The following CDH12 variants were observed in gnomAD, a reference collection of about 807,000 sequenced individuals.
The protein encoded by CDH12 is cadherin-12.
CDH12 carries 41 observed loss-of-function variants against 74.1 expected under a neutral mutation model. The ratio of observed to expected loss-of-function variants is 0.55; its 90% CI spans 0.43 to 0.72. The LOEUF (loss-of-function observed/expected upper bound fraction) is 0.72, where lower values mean the gene tolerates loss of function less well. Among genes scored for constraint, CDH12 ranks in the 30% least tolerant of loss-of-function variants. The pLI is 0.00. For missense variants in CDH12, 945 were observed against 977.2 expected, an observed-to-expected ratio of 0.97 and a Z score of 0.44; for synonymous variants, 399 against 355.0, an observed-to-expected ratio of 1.12 and a Z score of -1.39.
chr5:22,399,792 A>T (rs141683409), intron 3 of CDH12, among the ~76,000 whole-genome samples: 1,837 of 152,304 alleles, frequency 0.012, 37 homozygotes, highest in African/African-American at 0.041. Flanking sequence ...ATTGTATGGT[A>T]AATGTGTTAG....
rs1014190183 is a variant in CDH12 at position 22,543,634 on chromosome 5, T to TA, written c.-522-38271dup. ...ACCTACAGTCTAGAAAGAAAATTAG[T>TA]AAAAAAAAGGCACAGGCAATCTGGG... On this transcript the variant is annotated intron_variant, in intron 1 of 14. Coordinates refer to ENST00000382254, the MANE Select transcript of CDH12 (RefSeq NM_004061.5). Among the ~76,000 whole-genome samples, 96 of 151,954 alleles carry TA rather than the reference T, an allele frequency of 6.3e-4. 2 individuals are homozygous for TA. In the Middle Eastern group the frequency reaches 0.014, roughly 22 times the overall value.
At chr5:22,433,579 C>T (rs940513212) in intron 2 of CDH12, among the ~76,000 whole-genome samples, 3 of 151,990 alleles carry the variant, frequency 2.0e-5, no homozygotes, top group African/African-American at 7.2e-5. Context: ...TAATAGCTAA[C>T]ATTTATTCAT....
At chr5:21,764,298 C>T (rs898786652) in intron 12 of CDH12, among the ~76,000 whole-genome samples, 38 of 151,786 alleles carry the variant, frequency 2.5e-4, no homozygotes, top group Non-Finnish European at 4.9e-4. Context: ...CGCTTGAATC[C>T]GGGAAGCGGA....
At chr5:22,286,505 T>C (rs2150410438) in intron 3 of CDH12, among the ~76,000 whole-genome samples, 1 of 152,292 alleles carries the variant, frequency 6.6e-6, no homozygotes, top group South Asian at 2.1e-4. Context: ...GCAATATTGT[T>C]AAATGGTCAA....
intron 6 of CDH12, among the ~76,000 whole-genome samples, chr5:21,893,935 G>C (rs1753005026): frequency 6.6e-6 from 1 of 152,114 alleles, no homozygotes; most frequent in Non-Finnish European, 1.5e-5. Context: ...AGGTATTTGA[G>C]TTTTTTATTT....
At chr5:22,683,929 A>G (rs997050086) in intron 1 of CDH12, among the ~76,000 whole-genome samples, 1 of 152,234 alleles carries the variant, frequency 6.6e-6, no homozygotes, top group Non-Finnish European at 1.5e-5. Context: ...TATAGAATCA[A>G]GACTCTCTAG....
chr5:22,839,325 T>A (rs1239587002), intron 1 of CDH12, among the ~76,000 whole-genome samples: 1 of 151,802 alleles, frequency 6.6e-6, no homozygotes, highest in Non-Finnish European at 1.5e-5. Context: ...TGTGTCCCTA[T>A]GCTAGTTTAC....
intron 4 of CDH12, among the ~76,000 whole-genome samples, chr5:22,207,861 A>C (rs1161908469): frequency 1.3e-5 from 2 of 152,110 alleles, no homozygotes; most frequent in African/African-American, 2.4e-5. Flanking sequence ...AAAGATCTCT[A>C]ATTTTTGCTA....
chr5:22,336,019 C>G (rs919550392), intron 3 of CDH12, among the ~76,000 whole-genome samples: 24 of 152,042 alleles, frequency 1.6e-4, no homozygotes, highest in African/African-American at 5.8e-4. Context: ...CAATAAGGTC[C>G]AAGCTGAGGT....
chr5:22,341,642 G>A (rs1739854843), intron 3 of CDH12, among the ~76,000 whole-genome samples: 2 of 152,132 alleles, frequency 1.3e-5, no homozygotes, highest in Admixed American at 1.3e-4. Context: ...CAGACATAGT[G>A]AGGATCCTGA....
chr5:22,349,773 C>T (rs1399419483), intron 3 of CDH12, among the ~76,000 whole-genome samples: 2 of 152,058 alleles, frequency 1.3e-5, no homozygotes, highest in Non-Finnish European at 2.9e-5. Context: ...CTGGCTCTGT[C>T]GCCCAGGCTG....
At chr5:21,904,644 G>A (rs1579940061) in intron 6 of CDH12, among the ~76,000 whole-genome samples, 2 of 151,970 alleles carry the variant, frequency 1.3e-5, no homozygotes, top group South Asian at 2.1e-4. Flanking sequence ...GCCAAGCAAG[G>A]TGGCATGTGC....
intron 2 of CDH12, among the ~76,000 whole-genome samples, chr5:22,433,596 C>G (rs1037446005): frequency 1.3e-5 from 2 of 152,018 alleles, no homozygotes; most frequent in East Asian, 1.9e-4. Context: ...TCATCCCCTA[C>G]CATGTGACAA....
chr5:21,808,566 A>G (rs922522698), intron 9 of CDH12, among the ~76,000 whole-genome samples: 2 of 152,002 alleles, frequency 1.3e-5, no homozygotes, highest in Non-Finnish European at 2.9e-5. Flanking sequence ...AGCAGTTAGA[A>G]AACAGATTTA....
intron 4 of CDH12, among the ~76,000 whole-genome samples, chr5:22,159,924 C>T (rs1024582411): frequency 1.3e-5 from 2 of 151,996 alleles, no homozygotes; most frequent in African/African-American, 2.4e-5. Flanking sequence ...TGCGTGTGTG[C>T]GTGCATGTGC....
At chr5:22,676,454 T>G (rs2126922053) in intron 1 of CDH12, among the ~76,000 whole-genome samples, 1 of 152,314 alleles carries the variant, frequency 6.6e-6, no homozygotes, top group South Asian at 2.1e-4. Flanking sequence ...CCATATCAGT[T>G]TGCTTAACAT....
intron 3 of CDH12, among the ~76,000 whole-genome samples, chr5:22,297,165 G>A (rs1411905747): frequency 6.6e-6 from 1 of 151,892 alleles, no homozygotes; most frequent in Admixed American, 6.6e-5. Context: ...GGGGTTACAG[G>A]CATGGGCTAC....
chr5:22,674,261 G>A (rs1253271267), intron 1 of CDH12, among the ~76,000 whole-genome samples: 2 of 152,100 alleles, frequency 1.3e-5, no homozygotes, highest in African/African-American at 4.8e-5. Flanking sequence ...CATAGGGGCA[G>A]GTCTTTTCCG....
In CDH12 at chr5:22,562,851, T is replaced by TGAG. The variant is rs1739119867; in HGVS notation, c.-522-57488_-522-57487insCTC. On this transcript the variant is annotated intron_variant, in intron 1 of 14. Coordinates refer to ENST00000382254, the MANE Select transcript of CDH12 (RefSeq NM_004061.5). ...TATTTGAAAAATCTCATAAATGATC[T>TGAG]CTTATAGTCTATATATTTTTATAAA... Among the ~76,000 whole-genome samples, 3 of 137,420 alleles carry TGAG rather than the reference T, an allele frequency of 2.2e-5. No homozygotes were observed. The Admixed American group carries it at 2.6e-4, about 12-fold the overall frequency. The allele number at this position is 137,420 out of a possible 152,430, so 90.2% of individuals were successfully genotyped here. A position where few individuals can be genotyped will look rare whatever the true frequency, so the allele number is the denominator to read the frequency against.
Sources: gnomAD v4.1 joint callset for allele counts (sites outside exome capture counted in the v4.1 genomes callset) on GRCh38, gnomAD v4.1.1 for gene constraint, MANE v1.5 for transcripts, NCBI Gene and HGNC (gene_info 2026-07-23, HGNC 2026-07-21) for gene names.